Variants in SLC4A1 observed in about 807,000 individuals in gnomAD.
SLC4A1 encodes band 3 anion transport protein.
SLC4A1 carries 29 observed loss-of-function variants against 93.1 expected under a neutral mutation model. That is an observed-to-expected ratio of 0.31 (90% CI 0.23 to 0.42). The LOEUF (loss-of-function observed/expected upper bound fraction) is 0.42. Ranked by LOEUF, SLC4A1 falls within the 20% of genes least tolerant of loss-of-function variation. The pLI is 1.00. For synonymous variants in SLC4A1, 469 were observed against 497.2 expected (o/e 0.94, Z 0.76); for missense variants, 965 against 1,190.1 (o/e 0.81, Z 2.78).
At position 44,257,330 on chromosome 17, in the gene SLC4A1, A is replaced by ACATC. The variant is rs1238933083; in HGVS notation, c.1626+16_1626+19dup. 6 of 1,611,936 alleles carry ACATC rather than the reference A, an allele frequency of 3.7e-6. No individual in the cohort carries two copies. Among genetic ancestry groups the ACATC allele is most frequent in the Non-Finnish European group, 1.7e-6 (2 of 1,178,282 alleles). ...TATACACAACCTCCCGTGTGCATTA[A>ACATC]CATCCCCATAGGCCCCCACCTTGAT... On this transcript the variant is annotated intron_variant, in intron 13 of 19. Coordinates refer to ENST00000262418, the MANE Select transcript of SLC4A1 (RefSeq NM_000342.4).
intron 14 of SLC4A1, 90 bp from the exon 15 acceptor site, chr17:44,255,386 G>C: frequency 2.1e-6 from 2 of 965,466 alleles, no homozygotes; most frequent in Non-Finnish European, 3.2e-6. Flanking sequence ...ACGGGGCCCT[G>C]CTCTTCCAGG....
In SLC4A1 at chr17:44,257,400, A is replaced by G; in HGVS notation, c.1576T>C (p.Phe526Leu). 6.2e-7 allele frequency: 1 copy of G among 1,614,098 alleles called. No homozygotes were observed. Among genetic ancestry groups the G allele is most frequent in the Non-Finnish European group, 8.5e-7 (1 of 1,180,022 alleles). ...TAGATGAAGATGAGGGAAATGAGGA[A>G]GGAGAAGATCTCCTGGGTATAGCGG... is the stretch of plus-strand genomic sequence containing the variant. ...ISRYTQEIFS[F>L]LISLIFIYET... Residue 526 changes from phenylalanine (F) to leucine (L), a missense_variant, in exon 13 of 20, where the codon TTC becomes CTC. Transcript: ENST00000262418.
At position 44,249,411 on chromosome 17, in the gene SLC4A1, AC is replaced by A; in HGVS notation, c.*1046del. 1 of 264,194 alleles carries A rather than the reference AC, an allele frequency of 3.8e-6. No homozygotes were observed. The highest frequency in any genetic ancestry group is 7.5e-6 in the Non-Finnish European group (1 of 134,182). 16.4% of individuals were successfully genotyped at this position (264,194 alleles called of 1,614,324 possible). On this transcript the variant is annotated 3_prime_UTR_variant, in exon 20 of 20. Transcript: ENST00000262418. ...TGTGTGAAGCCAAACTATGTTGAAA[AC>A]TCTTAGAAAATACGCAATTAATAAA... is the stretch of plus-strand genomic sequence containing the variant.
At position 44,258,335 on chromosome 17, in the gene SLC4A1, G is replaced by T; in HGVS notation, c.1087+78C>A. 6.8e-7 allele frequency: 1 copy of T among 1,469,336 alleles called. No homozygotes were observed. Among genetic ancestry groups the T allele is most frequent in the Non-Finnish European group, 9.5e-7 (1 of 1,049,258 alleles). 91.0% of individuals were successfully genotyped at this position (1,469,336 alleles called of 1,614,324 possible). A position where few individuals can be genotyped will look rare whatever the true frequency, so the allele number is the denominator to read the frequency against. ...AGGGAGCGATGAGAGGGGAACATGT[G>T]ATGGGAGACAGAGGCTACGCTGAGG... On this transcript the variant is annotated intron_variant, in intron 10 of 19. Coordinates refer to ENST00000262418, the MANE Select transcript of SLC4A1 (RefSeq NM_000342.4). This position sits in a 1 kb window ranked among gnomAD's most constrained non-coding sequence, Gnocchi z 6.1.
chr17:44,255,941 C>T (rs1468215110), intron 13 of SLC4A1, 95 bp from the exon 14 acceptor site: 5 of 1,088,868 alleles, frequency 4.6e-6, no homozygotes, highest in South Asian at 1.3e-5. Flanking sequence ...ACTATCCATT[C>T]ATCCAGTCAT....
intron 17 of SLC4A1, 146 bp from the exon 18 acceptor site, chr17:44,251,734 TTTTTTG>T: frequency 8.0e-6 from 5 of 622,452 alleles, no homozygotes; most frequent in South Asian, 4.2e-5. Context: ...TTTTTTTTTT[TTTTTTG>T]TTTTTTTTTT....
chr17:44,259,571 C>T lies in SLC4A1; in HGVS notation c.620G>A (p.Gly207Asp). 6.2e-7 allele frequency: 1 copy of T among 1,613,378 alleles called. No individual in the cohort carries two copies. The highest frequency in any genetic ancestry group is 2.2e-5 in the East Asian group (1 of 44,866). ...TCCAGATGGTGAGTGCCCTTCTGTG[C>T]CCCCATCTCCCTGTGGGAAGGAGGG... ...TQLFCEQGDG[G>D]TEGHSPSGIL... Residue 207 changes from glycine (G) to aspartate (D), a missense_variant, in exon 8 of 20, where the codon GGC becomes GAC. By Grantham distance (94) the Gly-to-Asp change is moderately conservative. This residue lies in a region of SLC4A1 where 770 missense variants were observed against 1,006.6 expected (regional missense o/e 0.76). Coordinates refer to ENST00000262418, the MANE Select transcript of SLC4A1 (RefSeq NM_000342.4).
chr17:44,263,683 TC>T (rs1173589854), intron 1 of SLC4A1, among the ~76,000 whole-genome samples: 1 of 143,910 alleles, frequency 6.9e-6, no homozygotes, highest in Admixed American at 6.9e-5. Context: ...TGGTTTCTTT[TC>T]CCTCCCTCCT....
chr17:44,262,431 G>C (rs2047453913), intron 3 of SLC4A1, among the ~76,000 whole-genome samples: 1 of 152,234 alleles, frequency 6.6e-6, no homozygotes, highest in Non-Finnish European at 1.5e-5. Context: ...GGCACTGGAT[G>C]GGTGACTGCC....
Position 44,250,553 on chromosome 17 carries a change from C to A in SLC4A1, c.2656-15G>T, listed in dbSNP as rs757174826. The A allele has an allele frequency of 6.2e-7, 1 of 1,609,282 alleles. No homozygotes were observed. Among genetic ancestry groups the A allele is most frequent in the African/African-American group, 1.3e-5 (1 of 74,816 alleles). The stretch of plus-strand genomic sequence containing the variant: ...TCAGCATCCAGCTGGAGGGGAGGGA[C>A]AGGAGAGAGACAGGGTGAGAGACCC... On this transcript the variant is annotated splice_polypyrimidine_tract_variant and intron_variant, in intron 19 of 19. Transcript: ENST00000262418.
chr17:44,264,683 C>G (rs45518234), intron 1 of SLC4A1, among the ~76,000 whole-genome samples: 1,528 of 152,260 alleles, frequency 0.01, 26 homozygotes, highest in African/African-American at 0.035. Context: ...GGGGTTGGGG[C>G]TCTGAGACTG....
rs1053274040 is a variant in SLC4A1 at position 44,259,962 on chromosome 17, G to C, written c.486-30C>G. 3 of 1,612,254 alleles carry C rather than the reference G, an allele frequency of 1.9e-6. No individual in the cohort carries two copies. The East Asian group carries it at 6.7e-5, about 36-fold the overall frequency. Reference sequence around the variant, plus strand: ...AGGACGTACAGGGGACATGGGCTGAGTAAGCTGTTCAGGCTGAGCTATCAG... The same window carrying C: ...AGGACGTACAGGGGACATGGGCTGACTAAGCTGTTCAGGCTGAGCTATCAG... On this transcript the variant is annotated intron_variant, in intron 6 of 19. Coordinates refer to ENST00000262418, the MANE Select transcript of SLC4A1 (RefSeq NM_000342.4).
chr17:44,267,552 C>T (rs1039746588), intron 1 of SLC4A1, among the ~76,000 whole-genome samples: 1 of 152,244 alleles, frequency 6.6e-6, no homozygotes, highest in Admixed American at 6.5e-5. Context: ...TTGAGATTCT[C>T]ATGTGGTAGG....
intron 4 of SLC4A1, 133 bp from the exon 5 acceptor site, chr17:44,260,948 C>T (rs1465361638): frequency 2.0e-6 from 2 of 995,472 alleles, no homozygotes; most frequent in African/African-American, 1.6e-5. Context: ...ATACGGCTCA[C>T]ACCACTCCCT....
chr17:44,261,987 C>T lies in SLC4A1; in HGVS notation c.107-351G>A, dbSNP rs2047449755. 6 of 1,209,650 alleles carry T rather than the reference C, an allele frequency of 5.0e-6. No homozygotes were observed. In the South Asian group the frequency reaches 9.8e-5, roughly 20 times the overall value. The allele number at this position is 1,209,650 out of a possible 1,614,324, so 74.9% of individuals were successfully genotyped here. On this transcript the variant is annotated intron_variant, in intron 3 of 19. Coordinates refer to ENST00000262418, the MANE Select transcript of SLC4A1 (RefSeq NM_000342.4). ...GATCCTCCTAGGACCTCCTCCCTCC[C>T]CTGCCACCTCTGAGACCAGACTCCC... is the stretch of plus-strand genomic sequence containing the variant.
rs756712442 is a variant in SLC4A1, at chr17:44,251,314, G to T, written c.2500C>A (p.His834Asn). Residue 834 changes from histidine (H) to asparagine (N), a missense_variant, in exon 19 of 20, where the codon CAC (histidine) becomes AAC (asparagine). His to Asn is a moderately conservative substitution (Grantham distance 68). Around this residue, in one of 2 missense-constraint regions of SLC4A1, gnomAD observed 770 missense variants for 1,006.6 expected, o/e 0.76. Transcript: ENST00000262418. ...YVKRVKTWRM[H>N]LFTGIQIICL... is the part of the protein sequence containing the mutation. ...ATGATCTGGATGCCCGTGAATAAGT[G>T]CATGCGCCAGGTCTTCACCTGCAGG... 4 of 1,614,226 alleles carry T rather than the reference G, an allele frequency of 2.5e-6. No individual in the cohort carries two copies. The highest frequency in any genetic ancestry group is 3.4e-6 in the Non-Finnish European group (4 of 1,180,044).
At chr17:44,252,983 C>T (rs2047355930) in intron 17 of SLC4A1, 135 bp downstream of exon 17, 3 of 965,682 alleles carry the variant, frequency 3.1e-6, no homozygotes, top group Non-Finnish European at 4.8e-6. Context: ...GTAGGGGATG[C>T]TGGGGAGATG....
In SLC4A1 at chr17:44,251,731, T is replaced by TTG. The variant is rs1555594871; in HGVS notation, c.2312-144_2312-143insCA. Reference sequence around the variant, plus strand: ...TTTCCTTTTCTTTTCTTTTTTTTTTTTTTTTTTTGTTTTTTTTTTTGAGAC... The same window carrying TTG: ...TTTCCTTTTCTTTTCTTTTTTTTTTTTGTTTTTTTTGTTTTTTTTTTTGAGAC... On this transcript the variant is annotated intron_variant, in intron 17 of 19. Transcript: ENST00000262418. 1.4e-5 allele frequency: 8 copies of TTG among 585,442 alleles called. No individual in the cohort carries two copies. In the African/African-American group the frequency reaches 1.6e-4, roughly 12 times the overall value. 36.3% of individuals were successfully genotyped at this position (585,442 alleles called of 1,614,324 possible).
chr17:44,251,008 C>T (rs2047333450), intron 19 of SLC4A1, 151 bp downstream of exon 19: 1 of 842,716 alleles, frequency 1.2e-6, no homozygotes, highest in Non-Finnish European at 1.9e-6. Context: ...CCCCGTGCTC[C>T]AGATCATATG....
Sources: allele counts gnomAD v4.1 joint callset (sites outside exome capture counted in the v4.1 genomes callset), GRCh38; gene constraint gnomAD v4.1.1; regional missense constraint gnomAD v4.1.1; non-coding constraint Gnocchi (gnomAD v3.1); transcripts MANE v1.5; gene names NCBI Gene and HGNC (gene_info 2026-07-23, HGNC 2026-07-21).